The following CRTC1 variants were observed in gnomAD, a reference collection of about 807,000 sequenced individuals.
The protein encoded by CRTC1 is CREB regulated transcription coactivator 1.
Under a neutral mutation model 66.1 loss-of-function variants are expected in CRTC1, and 18 were observed. That is an observed-to-expected ratio of 0.27 (90% confidence interval 0.19 to 0.40). The LOEUF is 0.40. Among genes scored for constraint, CRTC1 ranks in the 10% least tolerant of loss-of-function variants. CRTC1 has a pLI of 1.00. For synonymous variants in CRTC1, 416 were observed against 398.8 expected (o/e 1.04, Z -0.51); for missense variants, 669 against 887.9 (o/e 0.75, Z 3.13).
Position 18,741,550 on chromosome 19 carries a change from G to A in CRTC1, c.127-1360G>A, listed in dbSNP as rs2054111078. ...ACAGGCGACCTATGCCCAGGTAGGT[G>A]TGGGGTGGGAGCTGTAGGACCCCCA... On this transcript the variant is annotated intron_variant, in intron 1 of 13. Coordinates refer to ENST00000321949, the MANE Select transcript of CRTC1 (RefSeq NM_015321.3). The surrounding 1 kb of genome is among the most constrained non-coding windows in gnomAD (Gnocchi z 4.2). Among the ~76,000 whole-genome samples, 1 of 152,194 alleles carries A rather than the reference G, an allele frequency of 6.6e-6. No homozygotes were observed. Among genetic ancestry groups the A allele is most frequent in the Non-Finnish European group, 1.5e-5 (1 of 68,016 alleles).
At chr19:18,693,479 G>GTTTTTTTTTTTTTTTTTTTT (rs1294890403) in intron 1 of CRTC1, among the ~76,000 whole-genome samples, 3 of 129,720 alleles carry the variant, frequency 2.3e-5, no homozygotes, top group Non-Finnish European at 3.2e-5. Flanking sequence ...TAACTCTTTT[G>GTTTTTTTTTTTTTTTTTTTT]TTTTTGTTTT....
intron 9 of CRTC1, among the ~76,000 whole-genome samples, chr19:18,766,428 C>T (rs763177481): frequency 1.4e-4 from 21 of 150,670 alleles, no homozygotes; most frequent in Admixed American, 2.7e-4. Context: ...TGTGAGCCAC[C>T]GCGCCTGACC....
intron 1 of CRTC1, among the ~76,000 whole-genome samples, chr19:18,727,948 A>G (rs1290558202): frequency 5.3e-5 from 8 of 151,924 alleles, no homozygotes; most frequent in Admixed American, 3.3e-4. Context: ...CTGATCTCGA[A>G]CTCATGACCT....
chr19:18,739,444 C>T (rs149284244), intron 1 of CRTC1, among the ~76,000 whole-genome samples: 71 of 152,354 alleles, frequency 4.7e-4, no homozygotes, highest in African/African-American at 1.6e-3. Flanking sequence ...AGCCTCCAGA[C>T]GGGCCTGTCA....
At chr19:18,707,395 A>G (rs1383286594) in intron 1 of CRTC1, among the ~76,000 whole-genome samples, 2 of 152,156 alleles carry the variant, frequency 1.3e-5, no homozygotes, top group Non-Finnish European at 2.9e-5. Flanking sequence ...ACCCTTGTTG[A>G]AAATCACTTG....
intron 5 of CRTC1, among the ~76,000 whole-genome samples, chr19:18,753,076 T>C (rs1449219983): frequency 5.9e-5 from 9 of 151,366 alleles, no homozygotes; most frequent in Admixed American, 2.0e-4. Context: ...CCATCCTGGC[T>C]AACACAGTGA....
At chr19:18,728,388 G>T (rs1051408919) in intron 1 of CRTC1, among the ~76,000 whole-genome samples, 1 of 152,194 alleles carries the variant, frequency 6.6e-6, no homozygotes, top group Non-Finnish European at 1.5e-5. Flanking sequence ...CCAGGACAAT[G>T]GGCTTGGGCT....
intron 1 of CRTC1, among the ~76,000 whole-genome samples, chr19:18,714,348 C>G (rs1239078857): frequency 6.6e-6 from 1 of 152,052 alleles, no homozygotes; most frequent in African/African-American, 2.4e-5. Flanking sequence ...TGCTCTGTCA[C>G]CTAGGCTGGA....
chr19:18,770,764 C>T (rs1321744080), intron 10 of CRTC1, among the ~76,000 whole-genome samples: 1 of 147,096 alleles, frequency 6.8e-6, no homozygotes, highest in Non-Finnish European at 1.5e-5. Context: ...TGTGTGCACA[C>T]GGTGTGTACA....
chr19:18,763,594 G>C (rs947929737), intron 8 of CRTC1, among the ~76,000 whole-genome samples: 1 of 152,202 alleles, frequency 6.6e-6, no homozygotes, highest in African/African-American at 2.4e-5. Flanking sequence ...ATGCTTGACT[G>C]TACTTAGAAT....
At chr19:18,698,617 T>C (rs1471804027) in intron 1 of CRTC1, among the ~76,000 whole-genome samples, 1 of 147,606 alleles carries the variant, frequency 6.8e-6, no homozygotes, top group Non-Finnish European at 1.5e-5. Flanking sequence ...GCAGGCGCAG[T>C]GTGTGCTCAG....
At position 18,768,266 on chromosome 19, in the gene CRTC1, A is replaced by G. The variant is rs2054779711; in HGVS notation, c.1012-219A>G. On this transcript the variant is annotated intron_variant, in intron 9 of 13. Coordinates refer to ENST00000321949, the MANE Select transcript of CRTC1 (RefSeq NM_015321.3). This position sits in a 1 kb window ranked among gnomAD's most constrained non-coding sequence, Gnocchi z 5.6. ...CAGGCACAACAAGCTGGAGGAGGTCAGGTCCTGCCCAGCTCCAGCTGACCC... is the reference window on the plus strand; with the variant it reads ...CAGGCACAACAAGCTGGAGGAGGTCGGGTCCTGCCCAGCTCCAGCTGACCC... Among the ~76,000 whole-genome samples, 1 of 152,194 alleles carries G rather than the reference A, an allele frequency of 6.6e-6. No homozygotes were observed. Among genetic ancestry groups the G allele is most frequent in the Non-Finnish European group, 1.5e-5 (1 of 68,016 alleles).
At chr19:18,722,236 C>T (rs2053644781) in intron 1 of CRTC1, among the ~76,000 whole-genome samples, 1 of 152,206 alleles carries the variant, frequency 6.6e-6, no homozygotes. Context: ...TCTGGGGCCC[C>T]TTGGCTGGGG....
chr19:18,705,158 A>G (rs190917680), intron 1 of CRTC1, among the ~76,000 whole-genome samples: 1 of 151,904 alleles, frequency 6.6e-6, no homozygotes. Context: ...GATGGGACAC[A>G]TTTTGTTTAT....
intron 2 of CRTC1, chr19:18,744,221 T>C (rs2145734020): frequency 6.6e-7 from 1 of 1,510,938 alleles, no homozygotes; most frequent in East Asian, 2.3e-5. Context: ...CCGACCCGTG[T>C]GCGGGCGCTG....
At chr19:18,743,552 G>A (rs542983091) in intron 2 of CRTC1, among the ~76,000 whole-genome samples, 2 of 152,310 alleles carry the variant, frequency 1.3e-5, no homozygotes, top group Non-Finnish European at 2.9e-5. Flanking sequence ...TGGGGATGGG[G>A]TGGGGCCGAG....
Position 18,777,448 on chromosome 19 carries a change from T to C in CRTC1, c.*66T>C, listed in dbSNP as rs1201953938. ...CGCCTCCCCAGCCCGGGGACGGCCG[T>C]GCTCCGTCCCTCGCCAACGGCCGAG... is the stretch of plus-strand genomic sequence containing the variant. On this transcript the variant is annotated 3_prime_UTR_variant, in exon 14 of 14. Coordinates refer to ENST00000321949, the MANE Select transcript of CRTC1 (RefSeq NM_015321.3). The surrounding 1 kb of genome is among the most constrained non-coding windows in gnomAD (Gnocchi z 5.5). 2 of 1,420,186 alleles carry C rather than the reference T, an allele frequency of 1.4e-6. No individual in the cohort carries two copies. The highest frequency in any genetic ancestry group is 2.0e-6 in the Non-Finnish European group (2 of 1,018,804). The allele number at this position is 1,420,186 out of a possible 1,614,324, so 88.0% of individuals were successfully genotyped here.
chr19:18,719,907 C>T (rs1402866648), intron 1 of CRTC1, among the ~76,000 whole-genome samples: 1 of 152,244 alleles, frequency 6.6e-6, no homozygotes, highest in Non-Finnish European at 1.5e-5. Flanking sequence ...GCCCCAGGCC[C>T]GTCCATGTGG....
chr19:18,724,397 A>C (rs1264730844), intron 1 of CRTC1, among the ~76,000 whole-genome samples: 1 of 151,966 alleles, frequency 6.6e-6, no homozygotes, highest in East Asian at 1.9e-4. Context: ...CCTGCCCTGG[A>C]AGGGGAGACA....
Sources: gnomAD v4.1 joint callset for allele counts (sites outside exome capture counted in the v4.1 genomes callset) on GRCh38, gnomAD v4.1.1 for gene constraint, Gnocchi (gnomAD v3.1) non-coding constraint, MANE v1.5 for transcripts, NCBI Gene and HGNC (gene_info 2026-07-23, HGNC 2026-07-21) for gene names.